The following ADARB2 variants were observed in gnomAD, a reference collection of about 807,000 sequenced individuals.
ADARB2 encodes adenosine deaminase RNA specific B2 (inactive).
A neutral mutation model predicts 62.2 loss-of-function variants in ADARB2; 25 were observed. The ratio of observed to expected loss-of-function variants is 0.40; its 90% CI spans 0.29 to 0.56. The LOEUF is 0.56. Among genes scored for constraint, ADARB2 ranks in the 20% least tolerant of loss-of-function variants. The probability of loss-of-function intolerance (pLI) is 0.43; values close to 1 mark genes in which losing one functional copy is unlikely to be tolerated. For missense variants in ADARB2, 1,071 were observed against 1,077.4 expected (o/e 0.99, Z 0.08); for synonymous variants, 572 against 500.8 (o/e 1.14, Z -1.90).
At chr10:1,323,044 G>A (rs1283463854) in intron 3 of ADARB2, among the ~76,000 whole-genome samples, 1 of 151,732 alleles carries the variant, frequency 6.6e-6, no homozygotes, top group Non-Finnish European at 1.5e-5. Context: ...TTGGTTAGTG[G>A]AAAGTTTTTA....
intron 1 of ADARB2, among the ~76,000 whole-genome samples, chr10:1,629,470 G>A (rs935388562): frequency 6.6e-5 from 10 of 151,184 alleles, no homozygotes; most frequent in Middle Eastern, 3.2e-3. Flanking sequence ...CCCCGCCAGC[G>A]CCCAACCCCG....
chr10:1,588,241 G>T (rs1031324912), intron 1 of ADARB2, among the ~76,000 whole-genome samples: 1 of 152,220 alleles, frequency 6.6e-6, no homozygotes, highest in African/African-American at 2.4e-5. Flanking sequence ...TCACCTTAAA[G>T]CTGCCCAGCC....
intron 1 of ADARB2, among the ~76,000 whole-genome samples, chr10:1,719,716 T>TA (rs1395050536): frequency 6.6e-6 from 1 of 152,032 alleles, no homozygotes; most frequent in East Asian, 1.9e-4. Flanking sequence ...ACAACCCTAT[T>TA]AAAAAATGGG....
intron 3 of ADARB2, among the ~76,000 whole-genome samples, chr10:1,327,214 CAG>C (rs1197567971): frequency 8.4e-5 from 10 of 118,892 alleles, no homozygotes; most frequent in Admixed American, 1.6e-4. Flanking sequence ...CGCCTCCTCA[CAG>C]TTCAGCGCCT....
chr10:1,398,905 T>G lies in ADARB2; in HGVS notation c.101-19745A>C, dbSNP rs1053512908. On this transcript the variant is annotated intron_variant, in intron 1 of 9. Coordinates refer to ENST00000381312, the MANE Select transcript of ADARB2 (RefSeq NM_018702.4). The surrounding 1 kb of genome is among the most constrained non-coding windows in gnomAD (Gnocchi z 4.1). ...GTCTTTGGGGTCTTGATGGGTAGAG[T>G]GGTTTGCCAGAGAACCACCGAAGAG... Among the ~76,000 whole-genome samples the G allele has an allele frequency of 9.9e-5, 15 of 151,662 alleles. No individual in the cohort carries two copies. Among genetic ancestry groups the G allele is most frequent in the Admixed American group, 7.2e-4 (11 of 15,224 alleles).
At chr10:1,563,103 A>C (rs1410195073) in intron 1 of ADARB2, among the ~76,000 whole-genome samples, 1 of 152,102 alleles carries the variant, frequency 6.6e-6, no homozygotes, top group Non-Finnish European at 1.5e-5. Context: ...CAGGGTGAGA[A>C]CGTGGTCTCC....
At chr10:1,396,998 TGGAG>T (rs1832621680) in intron 1 of ADARB2, among the ~76,000 whole-genome samples, 1 of 45,710 alleles carries the variant, frequency 2.2e-5, no homozygotes. Flanking sequence ...CCCTCCCGAG[TGGAG>T]GCTTCCTGGG....
chr10:1,356,585 T>G (rs1466412392), intron 3 of ADARB2, among the ~76,000 whole-genome samples: 2 of 152,048 alleles, frequency 1.3e-5, no homozygotes, highest in African/African-American at 4.8e-5. Flanking sequence ...TGGAGGGGAG[T>G]TGGGGCTTTC....
At chr10:1,458,614 T>G (rs1831127534) in intron 1 of ADARB2, among the ~76,000 whole-genome samples, 1 of 152,178 alleles carries the variant, frequency 6.6e-6, no homozygotes, top group Non-Finnish European at 1.5e-5. Context: ...CCGCTATGGC[T>G]TCCACGGTGC....
chr10:1,562,379 C>G (rs1190996416), intron 1 of ADARB2, among the ~76,000 whole-genome samples: 1 of 152,196 alleles, frequency 6.6e-6, no homozygotes, highest in African/African-American at 2.4e-5. Flanking sequence ...GATCGGGGCT[C>G]TGCCATCAGA....
intron 3 of ADARB2, among the ~76,000 whole-genome samples, chr10:1,325,400 G>A (rs1375775568): frequency 6.6e-6 from 1 of 152,136 alleles, no homozygotes; most frequent in African/African-American, 2.4e-5. Flanking sequence ...TGTTTGGGGC[G>A]AGGGTTCATA....
chr10:1,271,096 C>T (rs74547721), intron 3 of ADARB2, 27 bp from the exon 4 acceptor site: 200 of 1,596,858 alleles, frequency 1.3e-4, no homozygotes, highest in Non-Finnish European at 1.5e-4. Context: ...CAGGCCTCCA[C>T]GTTGGGCTGA....
intron 1 of ADARB2, among the ~76,000 whole-genome samples, chr10:1,682,832 C>T (rs979777067): frequency 6.6e-6 from 1 of 152,134 alleles, no homozygotes; most frequent in South Asian, 2.1e-4. Flanking sequence ...TGCAGACGGC[C>T]AGGGGCAGAT....
intron 1 of ADARB2, among the ~76,000 whole-genome samples, chr10:1,720,814 T>C (rs866491995): frequency 1.3e-5 from 2 of 152,132 alleles, no homozygotes; most frequent in Admixed American, 6.6e-5. Flanking sequence ...TAATATCATA[T>C]GGAAAAAGAA....
chr10:1,232,852 G>A (rs1242647474), intron 6 of ADARB2, among the ~76,000 whole-genome samples: 4 of 149,130 alleles, frequency 2.7e-5, no homozygotes, highest in African/African-American at 7.4e-5. Flanking sequence ...GGTATATGTG[G>A]TATGCGTGTA....
intron 1 of ADARB2, among the ~76,000 whole-genome samples, chr10:1,400,038 C>T (rs770591145): frequency 6.6e-6 from 1 of 152,168 alleles, no homozygotes; most frequent in Admixed American, 6.5e-5. Flanking sequence ...ACGTGAGGAG[C>T]GAGAATTAGC....
In ADARB2 at chr10:1,531,106, T is replaced by C. The variant is rs144913052; in HGVS notation, c.101-151946A>G. 9.1e-3 allele frequency among the ~76,000 whole-genome samples: 1,382 copies of C among 152,344 alleles called. 73 individuals are homozygous for C. The highest frequency in any genetic ancestry group is 0.08 in the Admixed American group (1,230 of 15,306). On this transcript the variant is annotated intron_variant, in intron 1 of 9. Coordinates refer to ENST00000381312, the MANE Select transcript of ADARB2 (RefSeq NM_018702.4). ...ATAGCTGGCGATCCACAGCCTACCA[T>C]GTGCTCCAGGATGTCCTGCCCGTGG...
chr10:1,240,284 C>T (rs1263934937), intron 5 of ADARB2: 3 of 118,178 alleles, frequency 2.5e-5, no homozygotes, highest in Admixed American at 1.6e-4. Context: ...CTCTGCCTCC[C>T]GGTGTTTACT....
intron 1 of ADARB2, among the ~76,000 whole-genome samples, chr10:1,525,008 T>G (rs1376353505): frequency 1.3e-5 from 2 of 152,294 alleles, no homozygotes; most frequent in Admixed American, 1.3e-4. Flanking sequence ...TAGCTGCCAA[T>G]TTAAGTAAGC....
Sources: gnomAD v4.1 joint callset for allele counts (sites outside exome capture counted in the v4.1 genomes callset) on GRCh38, gnomAD v4.1.1 for gene constraint, Gnocchi (gnomAD v3.1) non-coding constraint, MANE v1.5 for transcripts, NCBI Gene and HGNC (gene_info 2026-07-23, HGNC 2026-07-21) for gene names.